The following AP1S3 variants were observed in gnomAD, a reference collection of about 807,000 sequenced individuals.
The protein encoded by AP1S3 is AP-1 complex subunit sigma-3.
In AP1S3, 10 loss-of-function variants were observed where a neutral mutation model predicts 20.9. The observed-to-expected ratio is 0.48, with a 90% CI of 0.29 to 0.81. The LOEUF (loss-of-function observed/expected upper bound fraction) is 0.81. Among genes scored for constraint, AP1S3 ranks in the 30% least tolerant of loss-of-function variants. The pLI, the probability that AP1S3 is intolerant of heterozygous loss-of-function variation, is 0.08. For missense variants in AP1S3, 154 were observed against 183.8 expected (o/e 0.84, Z 0.94); for synonymous variants, 41 against 61.5 (o/e 0.67, Z 1.56).
chr2:223,758,102 T>G lies in AP1S3; in HGVS notation c.*613A>C. The G allele has an allele frequency of 1.0e-6, 1 of 984,218 alleles. No homozygotes were observed. Among genetic ancestry groups the G allele is most frequent in the South Asian group, 4.7e-5 (1 of 21,218 alleles). 61.0% of individuals were successfully genotyped at this position (984,218 alleles called of 1,614,324 possible). ...GCTTCTAAGGCATCAAAAACACTTA[T>G]TAAGTTCTATACTCTTTGGTTATTT... On this transcript the variant is annotated 3_prime_UTR_variant, in exon 5 of 5. Transcript: ENST00000396654.
intron 2 of AP1S3, among the ~76,000 whole-genome samples, chr2:223,777,403 TAAA>T (rs1690810381): frequency 6.6e-6 from 1 of 151,580 alleles, no homozygotes; most frequent in Non-Finnish European, 1.5e-5. Context: ...TCCAACAAAT[TAAA>T]AAAGAACAAT....
At chr2:223,768,297 A>G (rs1467972450) in intron 3 of AP1S3, among the ~76,000 whole-genome samples, 1 of 152,090 alleles carries the variant, frequency 6.6e-6, no homozygotes, top group Non-Finnish European at 1.5e-5. Flanking sequence ...GGCAAAACCA[A>G]GCTCATTTTT....
At chr2:223,819,613 AT>A (rs1691939532) in intron 1 of AP1S3, among the ~76,000 whole-genome samples, 1 of 133,038 alleles carries the variant, frequency 7.5e-6, no homozygotes. Context: ...AAAAAAAAAA[AT>A]TAAAGTCCTA....
chr2:223,807,199 A>T (rs1006455811), intron 1 of AP1S3, among the ~76,000 whole-genome samples: 1 of 152,158 alleles, frequency 6.6e-6, no homozygotes, highest in Non-Finnish European at 1.5e-5. Flanking sequence ...CCTGGGAGAT[A>T]GAGGTTGCAG....
intron 4 of AP1S3, among the ~76,000 whole-genome samples, chr2:223,760,541 A>G (rs1030324052): frequency 2.4e-4 from 36 of 152,348 alleles, no homozygotes; most frequent in African/African-American, 8.7e-4. Context: ...GCATTGGCCA[A>G]GACAGCCCCA....
At chr2:223,810,584 C>T (rs1254551674) in intron 1 of AP1S3, among the ~76,000 whole-genome samples, 3 of 152,230 alleles carry the variant, frequency 2.0e-5, no homozygotes, top group East Asian at 3.8e-4. Context: ...GCTGAGATTA[C>T]AGGCGTGAGC....
At chr2:223,828,776 G>A (rs1692191576) in intron 1 of AP1S3, among the ~76,000 whole-genome samples, 1 of 152,162 alleles carries the variant, frequency 6.6e-6, no homozygotes, top group Non-Finnish European at 1.5e-5. Flanking sequence ...CCAAAACTTG[G>A]TTTAATGCTC....
At chr2:223,816,059 G>A (rs1351886681) in intron 1 of AP1S3, among the ~76,000 whole-genome samples, 3 of 152,228 alleles carry the variant, frequency 2.0e-5, no homozygotes, top group East Asian at 1.9e-4. Context: ...GCAGTGAGCC[G>A]TGATCATGCC....
At chr2:223,760,686 A>G (rs1382627635) in intron 4 of AP1S3, among the ~76,000 whole-genome samples, 1 of 152,232 alleles carries the variant, frequency 6.6e-6, no homozygotes, top group Non-Finnish European at 1.5e-5. Flanking sequence ...AAAGTTACAA[A>G]TACAAAATCA....
At chr2:223,784,678 T>C (rs1232815245) in intron 1 of AP1S3, among the ~76,000 whole-genome samples, 1 of 152,146 alleles carries the variant, frequency 6.6e-6, no homozygotes. Flanking sequence ...AGTGCCCATA[T>C]CTTTGGTTTC....
chr2:223,832,091 C>CA (rs776418917), intron 1 of AP1S3, among the ~76,000 whole-genome samples: 61,222 of 128,250 alleles, frequency 0.48, 15,739 homozygotes, highest in Middle Eastern at 0.58. Flanking sequence ...AAAAAAAAAT[C>CA]AAAAAAAGGA....
intron 1 of AP1S3, among the ~76,000 whole-genome samples, chr2:223,820,478 T>A (rs1559144922): frequency 6.6e-6 from 1 of 151,936 alleles, no homozygotes; most frequent in Non-Finnish European, 1.5e-5. Flanking sequence ...AAAATGAACA[T>A]AAAACTTTAA....
At chr2:223,801,422 T>C (rs1691462824) in intron 1 of AP1S3, among the ~76,000 whole-genome samples, 1 of 152,170 alleles carries the variant, frequency 6.6e-6, no homozygotes, top group Non-Finnish European at 1.5e-5. Context: ...TTAAAGTCAC[T>C]ATGATATTGA....
rs2106078918 is a variant in AP1S3, at chr2:223,765,156, A to ACACCAT, written c.429+51_429+56dup. On this transcript the variant is annotated intron_variant, in intron 4 of 4. Coordinates refer to ENST00000396654, the MANE Select transcript of AP1S3 (RefSeq NM_001039569.2). ...AGTCTGGTTAATATTATAATTATTAACACCATCATCATCATCATCATCATC... is the reference window on the plus strand; with the variant it reads ...AGTCTGGTTAATATTATAATTATTAACACCATCACCATCATCATCATCATCATCATC... 1 of 999,172 alleles carries ACACCAT rather than the reference A, an allele frequency of 1.0e-6. No individual in the cohort carries two copies. The allele number at this position is 999,172 out of a possible 1,614,324, so 61.9% of individuals were successfully genotyped here. A position where few individuals can be genotyped will look rare whatever the true frequency, so the allele number is the denominator to read the frequency against.
intron 3 of AP1S3, among the ~76,000 whole-genome samples, chr2:223,769,385 T>C (rs1690556220): frequency 6.6e-6 from 1 of 152,238 alleles, no homozygotes; most frequent in Non-Finnish European, 1.5e-5. Context: ...CAGCAATGGA[T>C]AGTCTCTAAA....
Position 223,820,797 on chromosome 2 carries a change from G to A in AP1S3, c.3+16651C>T, listed in dbSNP as rs116546645. Among the ~76,000 whole-genome samples, 373 of 152,040 alleles carry A rather than the reference G, an allele frequency of 2.5e-3. 5 individuals carry two copies. The highest frequency in any genetic ancestry group is 8.3e-3 in the African/African-American group (345 of 41,466). ...ACTTTTTCTCGGGAACTAGATTGCTGACGTTTTGGGAGTATATGTCTGTTT... is the reference window on the plus strand; with the variant it reads ...ACTTTTTCTCGGGAACTAGATTGCTAACGTTTTGGGAGTATATGTCTGTTT... On this transcript the variant is annotated intron_variant, in intron 1 of 4. Transcript: ENST00000396654.
In AP1S3 at chr2:223,805,721, T is replaced by A. The variant is rs181733083; in HGVS notation, c.4-27852A>T. Reference sequence around the variant, plus strand: ...TGAAATAGCTGGCATTTCTTAAAGGTTGATCCTCAAACTGCTTTGCTTTGA... The same window carrying A: ...TGAAATAGCTGGCATTTCTTAAAGGATGATCCTCAAACTGCTTTGCTTTGA... On this transcript the variant is annotated intron_variant, in intron 1 of 4. Transcript: ENST00000396654. Among the ~76,000 whole-genome samples, 5 of 152,360 alleles carry A rather than the reference T, an allele frequency of 3.3e-5. No homozygotes were observed. In the East Asian group the frequency reaches 9.6e-4, roughly 29 times the overall value.
chr2:223,757,801 A>G lies in AP1S3; in HGVS notation c.*914T>C, dbSNP rs1690256403. On this transcript the variant is annotated 3_prime_UTR_variant, in exon 5 of 5. Transcript: ENST00000396654. The stretch of plus-strand genomic sequence containing the variant: ...TTAAATGCTCTAAGTAAGCCATGTA[A>G]TAAGTCTTCAAATGCATTAGAGATA... 1.0e-6 allele frequency: 1 copy of G among 985,242 alleles called. No individual in the cohort carries two copies. The highest frequency in any genetic ancestry group is 1.2e-6 in the Non-Finnish European group (1 of 829,860). The allele number at this position is 985,242 out of a possible 1,614,324, so 61.0% of individuals were successfully genotyped here.
chr2:223,817,243 A>G (rs1691865986), intron 1 of AP1S3, among the ~76,000 whole-genome samples: 1 of 152,222 alleles, frequency 6.6e-6, no homozygotes, highest in South Asian at 2.1e-4. Context: ...ACCAAAAGTC[A>G]ACCTGGCTCC....
Sources: gnomAD v4.1 joint callset for allele counts (sites outside exome capture counted in the v4.1 genomes callset) on GRCh38, gnomAD v4.1.1 for gene constraint, MANE v1.5 for transcripts, NCBI Gene and HGNC (gene_info 2026-07-23, HGNC 2026-07-21) for gene names.